Variants in KCNIP1 observed in about 807,000 individuals in gnomAD.
KCNIP1 encodes the protein A-type potassium channel modulatory protein KCNIP1.
In KCNIP1, 18 loss-of-function variants were observed where a neutral mutation model predicts 33.0. That is an observed-to-expected ratio of 0.55 (90% confidence interval 0.38 to 0.81). KCNIP1 has a LOEUF of 0.81. KCNIP1 is among the 30% of genes least tolerant of loss of function. The pLI is 0.00. For synonymous variants in KCNIP1, 93 were observed against 98.3 expected (o/e 0.95, Z 0.32); for missense variants, 238 against 271.6 (o/e 0.88, Z 0.87).
At chr5:170,358,252 C>T (rs549769548) in intron 1 of KCNIP1, among the ~76,000 whole-genome samples, 1 of 152,290 alleles carries the variant, frequency 6.6e-6, no homozygotes, top group Admixed American at 6.5e-5. Flanking sequence ...TCCTCCAGGC[C>T]ACCCATGAGG....
chr5:170,494,612 C>T (rs1318399777), intron 1 of KCNIP1, among the ~76,000 whole-genome samples: 1 of 152,212 alleles, frequency 6.6e-6, no homozygotes, highest in Non-Finnish European at 1.5e-5. Context: ...ATGTGCCAGG[C>T]CACCAGCGTA....
intron 1 of KCNIP1, among the ~76,000 whole-genome samples, chr5:170,529,560 A>G (rs1249373747): frequency 6.6e-6 from 1 of 152,232 alleles, no homozygotes; most frequent in African/African-American, 2.4e-5. Flanking sequence ...TGTAAAGCCT[A>G]ACATCACACT....
At chr5:170,650,794 A>G (rs1336155412) in intron 1 of KCNIP1, among the ~76,000 whole-genome samples, 2 of 152,220 alleles carry the variant, frequency 1.3e-5, no homozygotes, top group African/African-American at 4.8e-5. Flanking sequence ...GCTCTCCATT[A>G]ATAAATTGGA....
chr5:170,645,922 A>G (rs1335818680), intron 1 of KCNIP1, among the ~76,000 whole-genome samples: 5 of 152,200 alleles, frequency 3.3e-5, no homozygotes, highest in East Asian at 1.9e-4. Flanking sequence ...TGAATCAACT[A>G]CAGATCACAC....
At chr5:170,570,248 A>G (rs1256764441) in intron 1 of KCNIP1, among the ~76,000 whole-genome samples, 1 of 152,226 alleles carries the variant, frequency 6.6e-6, no homozygotes, top group African/African-American at 2.4e-5. Flanking sequence ...TCTTACAGGC[A>G]TATCTTGGAT....
At chr5:170,631,765 A>T (rs1311900146) in intron 1 of KCNIP1, among the ~76,000 whole-genome samples, 1 of 152,172 alleles carries the variant, frequency 6.6e-6, no homozygotes, top group East Asian at 1.9e-4. Flanking sequence ...CTTCTCTCCC[A>T]GGGGCCTCTG....
Position 170,448,453 on chromosome 5 carries a change from G to A in KCNIP1, c.88+94489G>A, listed in dbSNP as rs542553580. Among the ~76,000 whole-genome samples, 3 of 152,370 alleles carry A rather than the reference G, an allele frequency of 2.0e-5. No homozygotes were observed. In the East Asian group the frequency reaches 5.8e-4, roughly 29 times the overall value. On this transcript the variant is annotated intron_variant, in intron 1 of 7. Coordinates refer to the KCNIP1 transcript ENST00000377360. ...CCCTTTTCTCTGACCAGCCATGGAG[G>A]CCCTGGGGGCTTGGAGGAGTGGCTG...
At chr5:170,651,756 C>A (rs1268849711) in intron 1 of KCNIP1, among the ~76,000 whole-genome samples, 1 of 152,144 alleles carries the variant, frequency 6.6e-6, no homozygotes, top group East Asian at 1.9e-4. Flanking sequence ...AGCATCCTCT[C>A]CCTTTGTAAC....
intron 1 of KCNIP1, among the ~76,000 whole-genome samples, chr5:170,514,442 T>C (rs1290398446): frequency 6.6e-6 from 1 of 152,184 alleles, no homozygotes; most frequent in Admixed American, 6.5e-5. Flanking sequence ...TCTTCTTCCC[T>C]CTTTGCATAC....
At chr5:170,435,342 A>T (rs368754836) in intron 1 of KCNIP1, among the ~76,000 whole-genome samples, 1 of 152,092 alleles carries the variant, frequency 6.6e-6, no homozygotes, top group Non-Finnish European at 1.5e-5. Flanking sequence ...GTCTTTCTGG[A>T]CTCTGTTAGC....
intron 1 of KCNIP1, among the ~76,000 whole-genome samples, chr5:170,599,917 C>G (rs191088365): frequency 1.4e-4 from 22 of 152,366 alleles, no homozygotes; most frequent in African/African-American, 5.0e-4. Context: ...TTTCCACTGC[C>G]TATTCTGTTT....
chr5:170,414,013 A>T (rs539206745), intron 1 of KCNIP1, among the ~76,000 whole-genome samples: 1 of 152,102 alleles, frequency 6.6e-6, no homozygotes, highest in Admixed American at 6.5e-5. Context: ...TAGAAGGCAG[A>T]TATGTCTCAT....
At chr5:170,727,804 A>G (rs181769900) in intron 5 of KCNIP1, among the ~76,000 whole-genome samples, 1 of 152,186 alleles carries the variant, frequency 6.6e-6, no homozygotes, top group East Asian at 1.9e-4. Context: ...ACCTGGGTGT[A>G]GTGGCACGTG....
chr5:170,444,704 A>T lies in KCNIP1; in HGVS notation c.88+90740A>T, dbSNP rs868100914. ...AATTATATTTTTTCTTTTTTTAAAAAAAAAAAAAAACCTTCTTCCCCAAGT... is the reference window on the plus strand; with the variant it reads ...AATTATATTTTTTCTTTTTTTAAAATAAAAAAAAAACCTTCTTCCCCAAGT... On this transcript the variant is annotated intron_variant, in intron 1 of 7. Coordinates refer to the KCNIP1 transcript ENST00000377360. Among the ~76,000 whole-genome samples the T allele has an allele frequency of 4.3e-3, 654 of 151,740 alleles. 6 individuals are homozygous for T. Among genetic ancestry groups the T allele is most frequent in the South Asian group, 0.021 (101 of 4,786 alleles).
At position 170,401,019 on chromosome 5, in the gene KCNIP1, T is replaced by C. The variant is rs72834399; in HGVS notation, c.88+47055T>C. ...TTAAGTTTCCCTGTTCCCTCCATCA[T>C]AGCCTGACTCAGGCAGCTCTGAAGA... On this transcript the variant is annotated intron_variant, in intron 1 of 7. Coordinates refer to the KCNIP1 transcript ENST00000377360. Among the ~76,000 whole-genome samples the C allele has an allele frequency of 5.1e-3, 782 of 152,334 alleles. 4 individuals are homozygous for C. The highest frequency in any genetic ancestry group is 9.6e-3 in the Non-Finnish European group (652 of 68,024).
intron 1 of KCNIP1, among the ~76,000 whole-genome samples, chr5:170,619,233 C>T (rs1321153011): frequency 6.6e-6 from 1 of 152,138 alleles, no homozygotes; most frequent in Non-Finnish European, 1.5e-5. Flanking sequence ...AATCTCTTCC[C>T]AGTGCCCCAC....
At chr5:170,640,190 T>C (rs1461197726) in intron 1 of KCNIP1, among the ~76,000 whole-genome samples, 1 of 152,302 alleles carries the variant, frequency 6.6e-6, no homozygotes, top group East Asian at 1.9e-4. Flanking sequence ...CCCAAGGAGC[T>C]GATGTGAGAA....
At position 170,732,880 on chromosome 5, in the gene KCNIP1, G is replaced by C. The variant is rs1561789576; in HGVS notation, c.516G>C (p.Arg172Ser). ...TYPVLKEDTP[R>S]QHVDVFFQKM... The stretch of plus-strand genomic sequence containing the variant: ...CTGTGCTCAAAGAGGACACTCCAAG[G>C]CAGCATGTGGACGTCTTCTTCCAGG... Residue 172 changes from arginine to serine, a missense_variant, in exon 6 of 8, where the codon AGG (arginine) becomes AGC (serine). Coordinates refer to ENST00000328939, the MANE Select transcript of KCNIP1 (RefSeq NM_014592.4). The C allele has an allele frequency of 6.2e-7, 1 of 1,612,688 alleles. No homozygotes were observed. The highest frequency in any genetic ancestry group is 8.5e-7 in the Non-Finnish European group (1 of 1,178,822).
At chr5:170,718,627 T>A (rs1176533678) in intron 1 of KCNIP1, 131 bp from the exon 2 acceptor site, 1 of 1,011,694 alleles carries the variant, frequency 9.9e-7, no homozygotes, top group Non-Finnish European at 1.5e-6. Flanking sequence ...AGGAAGGCCA[T>A]TGGCAGTGTG....
Sources: allele counts gnomAD v4.1 joint callset (sites outside exome capture counted in the v4.1 genomes callset), GRCh38; gene constraint gnomAD v4.1.1; transcripts MANE v1.5; gene names NCBI Gene and HGNC (gene_info 2026-07-23, HGNC 2026-07-21).